HLCS: variants seen among roughly 807,000 people sequenced by gnomAD.
HLCS encodes biotin--protein ligase.
HLCS carries 53 observed loss-of-function variants against 75.0 expected under a neutral mutation model. That is an observed-to-expected ratio of 0.71 (90% CI 0.57 to 0.89). HLCS has a LOEUF of 0.89. Ranked by LOEUF, HLCS falls within the 40% of genes least tolerant of loss-of-function variation. The pLI is 0.00. For synonymous variants in HLCS, 431 were observed against 428.6 expected, an observed-to-expected ratio of 1.01 and a Z score of -0.07; for missense variants, 966 against 1,074.0, an observed-to-expected ratio of 0.90 and a Z score of 1.41.
At chr21:36,959,713 C>T (rs1309816263) in intron 2 of HLCS, among the ~76,000 whole-genome samples, 1 of 152,234 alleles carries the variant, frequency 6.6e-6, no homozygotes, top group Non-Finnish European at 1.5e-5. Flanking sequence ...GGACTACCAG[C>T]TGCAGAAAGG....
intron 6 of HLCS, among the ~76,000 whole-genome samples, chr21:36,770,092 G>A (rs1299711790): frequency 1.3e-5 from 2 of 150,920 alleles, no homozygotes; most frequent in East Asian, 3.9e-4. Flanking sequence ...TGGAAGAAAG[G>A]CTTGCATTGG....
chr21:36,958,716 G>C (rs1409630483), intron 2 of HLCS, among the ~76,000 whole-genome samples: 1 of 151,760 alleles, frequency 6.6e-6, no homozygotes, highest in Non-Finnish European at 1.5e-5. Context: ...TTGAACCCGG[G>C]AGGTGGAGGT....
chr21:36,762,607 CA>C (rs1310678888), intron 8 of HLCS, among the ~76,000 whole-genome samples: 1 of 152,216 alleles, frequency 6.6e-6, no homozygotes, highest in Non-Finnish European at 1.5e-5. Context: ...CTATTTCAAT[CA>C]AAGTAGCTGC....
At chr21:36,882,110 G>A (rs7278010) in intron 6 of HLCS, among the ~76,000 whole-genome samples, 24,092 of 151,610 alleles carry the variant, frequency 0.16, 4,326 homozygotes, top group African/African-American at 0.44. Flanking sequence ...GTGAAACCCC[G>A]TCTCTACTAA....
chr21:36,823,016 C>A (rs1446341807), intron 6 of HLCS, among the ~76,000 whole-genome samples: 1 of 152,168 alleles, frequency 6.6e-6, no homozygotes, highest in African/African-American at 2.4e-5. Flanking sequence ...GACCTGTGAG[C>A]CTGGACTTCT....
chr21:36,784,381 T>C (rs117407405), intron 6 of HLCS, among the ~76,000 whole-genome samples: 2,464 of 150,490 alleles, frequency 0.016, 34 homozygotes, highest in Non-Finnish European at 0.028. Flanking sequence ...AGCGGCACTA[T>C]CTCAGCTCAC....
intron 4 of HLCS, among the ~76,000 whole-genome samples, chr21:36,935,339 A>T (rs2073645045): frequency 6.6e-6 from 1 of 152,212 alleles, no homozygotes; most frequent in African/African-American, 2.4e-5. Context: ...AATTTTAAGC[A>T]TCTCTGCTTG....
intron 1 of HLCS, chr21:36,971,998 T>C (rs1021940054): frequency 6.6e-6 from 1 of 152,156 alleles, no homozygotes; most frequent in Non-Finnish European, 1.5e-5. Flanking sequence ...TGGCAAATTC[T>C]TCCTTTAGAA....
In HLCS at chr21:36,872,532, C is replaced by A. The variant is rs560906426; in HGVS notation, c.1892+24328G>T. ...ACACCACCGCCAATCCCAGAAACAA[C>A]CATTCTTCTAATTTTCTCCCACCAT... On this transcript the variant is annotated intron_variant, in intron 6 of 10. Transcript: ENST00000674895. Among the ~76,000 whole-genome samples, 11 of 152,294 alleles carry A rather than the reference C, an allele frequency of 7.2e-5. No individual in the cohort carries two copies. The South Asian group carries it at 2.1e-3, about 29-fold the overall frequency.
Position 36,937,183 on chromosome 21 carries a change from C to T in HLCS, c.703G>A (p.Asp235Asn), listed in dbSNP as rs373951547. 130 of 1,614,052 alleles carry T rather than the reference C, an allele frequency of 8.1e-5. No individual in the cohort carries two copies. Among genetic ancestry groups the T allele is most frequent in the Non-Finnish European group, 1.0e-4 (121 of 1,180,034 alleles). ...GSASGSEPAGDSDRGGGPVEH... is the reference protein window; with the variant it reads ...GSASGSEPAGNSDRGGGPVEH... ...ACGGGGCCCCCTCCCCTGTCACTGT[C>T]CCCAGCAGGCTCACTCCCAGAGGCA... The change falls in exon 4 of 11, where the codon GAC becomes AAC. Residue 235 changes from aspartate (D) to asparagine (N), a missense_variant. Asp to Asn is a conservative substitution (Grantham distance 23). Transcript: ENST00000674895.
At chr21:36,836,096 C>T (rs1166679583) in intron 6 of HLCS, among the ~76,000 whole-genome samples, 4 of 151,906 alleles carry the variant, frequency 2.6e-5, no homozygotes, top group South Asian at 2.1e-4. Context: ...TGCTTGTATT[C>T]GTAGCAGAGT....
chr21:36,835,157 T>C (rs1014802235), intron 6 of HLCS, among the ~76,000 whole-genome samples: 6 of 152,264 alleles, frequency 3.9e-5, no homozygotes, highest in African/African-American at 4.8e-5. Flanking sequence ...TTAAAGTAAA[T>C]GGGGGATTCC....
intron 2 of HLCS, among the ~76,000 whole-genome samples, chr21:36,951,761 C>T (rs16997934): frequency 6.6e-6 from 1 of 152,188 alleles, no homozygotes; most frequent in Non-Finnish European, 1.5e-5. Flanking sequence ...GTATTAAGTT[C>T]TTTGGGTCAA....
chr21:36,853,858 C>T (rs1443780256), intron 6 of HLCS, among the ~76,000 whole-genome samples: 1 of 152,034 alleles, frequency 6.6e-6, no homozygotes, highest in Non-Finnish European at 1.5e-5. Flanking sequence ...AACTGAGTGG[C>T]AATGCTGTTT....
At chr21:36,950,316 C>T (rs1235016602) in intron 2 of HLCS, among the ~76,000 whole-genome samples, 3 of 151,912 alleles carry the variant, frequency 2.0e-5, no homozygotes, top group Non-Finnish European at 2.9e-5. Context: ...AACAAGAAAA[C>T]CAATAGCATG....
intron 6 of HLCS, among the ~76,000 whole-genome samples, chr21:36,860,023 A>G (rs2063330164): frequency 6.6e-6 from 1 of 152,258 alleles, no homozygotes; most frequent in Admixed American, 6.5e-5. Flanking sequence ...TCCACTCTAC[A>G]GCAGGCTCTA....
chr21:36,985,874 G>C lies in HLCS; in HGVS notation c.-393+4284C>G, dbSNP rs529245599. Reference sequence around the variant, plus strand: ...TTCAGGTTATGCATTTTTGGCACAGGATGTCAGTTCAAATTGATGACGCTG... The same window carrying C: ...TTCAGGTTATGCATTTTTGGCACAGCATGTCAGTTCAAATTGATGACGCTG... On this transcript the variant is annotated intron_variant, in intron 1 of 11. Transcript: ENST00000336648. Among the ~76,000 whole-genome samples, 6 of 152,242 alleles carry C rather than the reference G, an allele frequency of 3.9e-5. 1 individual carries two copies. The East Asian group carries it at 1.2e-3, about 29-fold the overall frequency.
At chr21:36,880,711 C>T (rs1440807183) in intron 6 of HLCS, among the ~76,000 whole-genome samples, 1 of 152,192 alleles carries the variant, frequency 6.6e-6, no homozygotes, top group Non-Finnish European at 1.5e-5. Flanking sequence ...GATTCCACGG[C>T]AGGTTCTATA....
Position 36,749,488 on chromosome 21 carries a change from G to A in HLCS, c.*4758C>T, listed in dbSNP as rs1301551501. 2.1e-5 allele frequency: 3 copies of A among 145,916 alleles called. No individual in the cohort carries two copies. Among genetic ancestry groups the A allele is most frequent in the African/African-American group, 7.7e-5 (3 of 39,012 alleles). 9.0% of individuals were successfully genotyped at this position (145,916 alleles called of 1,614,324 possible). On this transcript the variant is annotated 3_prime_UTR_variant, in exon 11 of 11. Coordinates refer to ENST00000674895, the MANE Select transcript of HLCS (RefSeq NM_001352514.2). The stretch of plus-strand genomic sequence containing the variant: ...TTTTGCCAACCCTGTGTCACTTAGT[G>A]AGGACCTGACACAATCCCTACAGGG...
Sources: allele counts gnomAD v4.1 joint callset (sites outside exome capture counted in the v4.1 genomes callset), GRCh38; gene constraint gnomAD v4.1.1; transcripts MANE v1.5; gene names NCBI Gene and HGNC (gene_info 2026-07-23, HGNC 2026-07-21).